Variants in SSBP4 observed in about 807,000 individuals in gnomAD.
The protein encoded by SSBP4 is single stranded DNA binding protein 4, also known as single-stranded DNA-binding protein 4.
Under a neutral mutation model 64.6 loss-of-function variants are expected in SSBP4, and 33 were observed. That is an observed-to-expected ratio of 0.51 (90% CI 0.39 to 0.68). The LOEUF (loss-of-function observed/expected upper bound fraction) is 0.68. Among genes scored for constraint, SSBP4 ranks in the 30% least tolerant of loss-of-function variants. The pLI is 0.00. For missense variants in SSBP4, 583 were observed against 566.8 expected (o/e 1.03, Z -0.29); for synonymous variants, 243 against 224.0 (o/e 1.08, Z -0.76).
the SSBP4 span, among the ~76,000 whole-genome samples, chr19:18,413,147 GT>G: frequency 0.053 from 6,011 of 114,494 alleles, 544 homozygotes; most frequent in African/African-American, 0.19. Context: ...TTTGGTTTGG[GT>G]TTTTTTTTTT....
rs549364135 is a variant in SSBP4 at position 18,423,245 on chromosome 19, G to C, written c.59+3538G>C. Among the ~76,000 whole-genome samples the C allele has an allele frequency of 3.7e-4, 56 of 152,326 alleles. 3 individuals carry two copies. In the South Asian group the frequency reaches 0.011, roughly 30 times the overall value. ...CAGCTCGTGGGTTTCTCCCGGGCTT[G>C]ATTTTGAGCCGGCACATGGATGTCG... On this transcript the variant is annotated intron_variant, in intron 1 of 17. Coordinates refer to ENST00000270061, the MANE Select transcript of SSBP4 (RefSeq NM_032627.5). The surrounding 1 kb of genome is among the most constrained non-coding windows in gnomAD (Gnocchi z 4.0).
the SSBP4 span, among the ~76,000 whole-genome samples, chr19:18,404,878 C>T: frequency 8.1e-5 from 10 of 123,690 alleles, no homozygotes; most frequent in Admixed American, 3.0e-4. Context: ...GGTAACAGAG[C>T]GAGACTCCAT....
At chr19:18,425,059 G>A (rs904177930) in intron 1 of SSBP4, among the ~76,000 whole-genome samples, 4 of 150,882 alleles carry the variant, frequency 2.7e-5, no homozygotes, top group Admixed American at 6.6e-5. Flanking sequence ...GCTGGTAGCC[G>A]GGGGCGGGGG....
the SSBP4 span, among the ~76,000 whole-genome samples, chr19:18,413,037 A>G: frequency 1.3e-5 from 2 of 151,748 alleles, no homozygotes; most frequent in East Asian, 1.9e-4. Flanking sequence ...GACATGACAC[A>G]TGTGGATGAG....
In SSBP4 at chr19:18,427,653, C is replaced by T. The variant is rs2144738900; in HGVS notation, c.133-99C>T. On this transcript the variant is annotated intron_variant, in intron 2 of 17. Transcript: ENST00000270061. This position sits in a 1 kb window ranked among gnomAD's most constrained non-coding sequence, Gnocchi z 4.4. ...TCTGCCCACCCTGTTACCCTTCCCT[C>T]CCCACTCCCTCCCTGCCCAGATGTT... The T allele has an allele frequency of 3.5e-6, 5 of 1,413,468 alleles. 1 individual carries two copies. The East Asian group carries it at 1.2e-4, about 34-fold the overall frequency. 87.6% of individuals were successfully genotyped at this position (1,413,468 alleles called of 1,614,324 possible).
rs957349011 is a variant in SSBP4 at position 18,434,447 on chromosome 19, C to T, written c.*201C>T. 4 of 1,017,254 alleles carry T rather than the reference C, an allele frequency of 3.9e-6. No homozygotes were observed. The highest frequency in any genetic ancestry group is 3.5e-5 in the Admixed American group (1 of 28,324). 63.0% of individuals were successfully genotyped at this position (1,017,254 alleles called of 1,614,324 possible). ...CAGAGACGTTCTTTTCTGTATGGAC[C>T]CTTCCTGCCATTTGTATTTTGTCCC... On this transcript the variant is annotated 3_prime_UTR_variant, in exon 18 of 18. Coordinates refer to ENST00000270061, the MANE Select transcript of SSBP4 (RefSeq NM_032627.5).
At chr19:18,414,053 G>A (rs550175040), upstream of SSBP4, among the ~76,000 whole-genome samples, 6 of 151,934 alleles carry the variant, frequency 3.9e-5, no homozygotes, top group East Asian at 1.9e-4. Flanking sequence ...GCATTCCCTC[G>A]GCCAGAGAAA....
At chr19:18,410,925 C>A in the SSBP4 span, among the ~76,000 whole-genome samples, 1 of 152,172 alleles carries the variant, frequency 6.6e-6, no homozygotes, top group African/African-American at 2.4e-5. Context: ...ATTTGTTGAG[C>A]ACCTACTGTA....
chr19:18,429,594 C>T (rs986875387), intron 4 of SSBP4, among the ~76,000 whole-genome samples: 3 of 151,778 alleles, frequency 2.0e-5, no homozygotes, highest in South Asian at 2.1e-4. Context: ...CCCTCCCCAC[C>T]CTCGGGGAGT....
At chr19:18,424,388 A>G (rs1972693651) in intron 1 of SSBP4, among the ~76,000 whole-genome samples, 1 of 152,176 alleles carries the variant, frequency 6.6e-6, no homozygotes, top group Admixed American at 6.5e-5. Flanking sequence ...GTCAAGCTAC[A>G]TTCCATTGGG....
chr19:18,403,437 G>T, the SSBP4 span, among the ~76,000 whole-genome samples: 1 of 152,162 alleles, frequency 6.6e-6, no homozygotes, highest in Non-Finnish European at 1.5e-5. Context: ...ATATCCCACA[G>T]GTGTGGAGGG....
chr19:18,434,072 G>C, intron 17 of SSBP4, 145 bp from the exon 18 acceptor site: 1 of 1,151,318 alleles, frequency 8.7e-7, no homozygotes, highest in Non-Finnish European at 1.1e-6. Flanking sequence ...CCCATGCATC[G>C]CCCCTCCCCC....
upstream of SSBP4, among the ~76,000 whole-genome samples, chr19:18,417,046 C>A (rs369850662): frequency 1.3e-5 from 2 of 152,130 alleles, no homozygotes; most frequent in South Asian, 4.1e-4. The surrounding 1 kb of genome is among the most constrained non-coding windows in gnomAD (Gnocchi z 5.4). Context: ...CTCTGGGCCG[C>A]CGGCGCCTCA....
At position 18,423,770 on chromosome 19, in the gene SSBP4, G is replaced by A. The variant is rs955553607; in HGVS notation, c.60-3581G>A. Among the ~76,000 whole-genome samples the A allele has an allele frequency of 8.5e-5, 13 of 152,300 alleles. No individual in the cohort carries two copies. The highest frequency in any genetic ancestry group is 2.6e-4 in the African/African-American group (11 of 41,566). On this transcript the variant is annotated intron_variant, in intron 1 of 17. Coordinates refer to ENST00000270061, the MANE Select transcript of SSBP4 (RefSeq NM_032627.5). The surrounding 1 kb of genome is among the most constrained non-coding windows in gnomAD (Gnocchi z 4.0). ...CCTTCTGCAGGGAGAGCTGCCTGCT[G>A]CTCTTCCGGGTGCCTCCCTGTTTTC...
At chr19:18,429,032 G>A (rs1973094878) in intron 4 of SSBP4, among the ~76,000 whole-genome samples, 1 of 152,186 alleles carries the variant, frequency 6.6e-6, no homozygotes, top group African/African-American at 2.4e-5. Context: ...CTTCCCAGGC[G>A]CGCAGCGGTT....
intron 10 of SSBP4, 130 bp from the exon 11 acceptor site, chr19:18,432,429 C>T (rs1464044358): frequency 2.8e-6 from 4 of 1,419,352 alleles, no homozygotes; most frequent in Non-Finnish European, 9.5e-7. Flanking sequence ...ATGGTGGCCA[C>T]TTTTCCAGCA....
At chr19:18,428,070 G>T in intron 4 of SSBP4, 88 bp downstream of exon 4, 1 of 1,287,112 alleles carries the variant, frequency 7.8e-7, no homozygotes, top group African/African-American at 1.5e-5. Context: ...GGGCTGCACA[G>T]CCAGAGGAGG....
At chr19:18,429,991 GAGTGC>G (rs1973212570) in intron 4 of SSBP4, among the ~76,000 whole-genome samples, 1 of 152,188 alleles carries the variant, frequency 6.6e-6, no homozygotes, top group African/African-American at 2.4e-5. Context: ...ACTGTAGGCA[GAGTGC>G]TCAACCTCTC....
Position 18,423,887 on chromosome 19 carries a change from G to A in SSBP4, c.60-3464G>A, listed in dbSNP as rs577413324. Among the ~76,000 whole-genome samples the A allele has an allele frequency of 6.6e-6, 1 of 152,094 alleles. No individual in the cohort carries two copies. The highest frequency in any genetic ancestry group is 6.5e-5 in the Admixed American group (1 of 15,268). ...CGGCCCAGGGCAGGTGGCCGGTGGG[G>A]GGCAGAGGGCATGGGTGATTTGCAT... is the stretch of plus-strand genomic sequence containing the variant. On this transcript the variant is annotated intron_variant, in intron 1 of 17. Coordinates refer to ENST00000270061, the MANE Select transcript of SSBP4 (RefSeq NM_032627.5). This position sits in a 1 kb window ranked among gnomAD's most constrained non-coding sequence, Gnocchi z 4.0.
Sources: gnomAD v4.1 joint callset for allele counts (sites outside exome capture counted in the v4.1 genomes callset) on GRCh38, gnomAD v4.1.1 for gene constraint, Gnocchi (gnomAD v3.1) non-coding constraint, MANE v1.5 for transcripts, NCBI Gene and HGNC (gene_info 2026-07-23, HGNC 2026-07-21) for gene names.